Variants in POP5 observed in about 807,000 individuals in gnomAD.
POP5 encodes the protein POP5 ribonuclease P/MRP subunit, also known as ribonuclease P/MRP protein subunit POP5.
Under a neutral mutation model 20.7 loss-of-function variants are expected in POP5, and 18 were observed. The observed-to-expected ratio is 0.87, with a 90% CI of 0.60 to 1.29. The LOEUF (loss-of-function observed/expected upper bound fraction) is 1.29, where lower values mean the gene tolerates loss of function less well. Ranked by LOEUF, POP5 falls within the 50% of genes most tolerant of loss-of-function variation. POP5 has a pLI of 0.00. For missense variants in POP5, 200 were observed against 203.2 expected, an observed-to-expected ratio of 0.98 and a Z score of 0.10; for synonymous variants, 91 against 78.0, an observed-to-expected ratio of 1.17 and a Z score of -0.88.
chr12:120,581,101 C>G lies in POP5; in HGVS notation c.163+14G>C. 1 of 1,607,646 alleles carries G rather than the reference C, an allele frequency of 6.2e-7. No homozygotes were observed. The highest frequency in any genetic ancestry group is 8.5e-7 in the Non-Finnish European group (1 of 1,179,642). ...ATCCTCCCGGGTTCCCCTCTTCCCC[C>G]AGCGCCCTTGCACCCGCGAAGCCGA... is the stretch of plus-strand genomic sequence containing the variant. On this transcript the variant is annotated intron_variant, in intron 2 of 4. Coordinates refer to ENST00000357500, the MANE Select transcript of POP5 (RefSeq NM_015918.4).
Position 120,579,992 on chromosome 12 carries a change from A to T in POP5, c.164-69T>A, listed in dbSNP as rs961955640. ...TGTGGTGGCTCACGCCTGTAATCCC[A>T]GCACTTTGGGAGGCTGAGGCGGGCA... On this transcript the variant is annotated intron_variant, in intron 2 of 4. Coordinates refer to ENST00000357500, the MANE Select transcript of POP5 (RefSeq NM_015918.4). 1.5e-5 allele frequency: 23 copies of T among 1,486,004 alleles called. No homozygotes were observed. In the African/African-American group the frequency reaches 3.2e-4, roughly 21 times the overall value. 92.1% of individuals were successfully genotyped at this position (1,486,004 alleles called of 1,614,324 possible).
chr12:120,579,260 G>T lies in POP5; in HGVS notation c.*58C>A. 4 of 1,465,108 alleles carry T rather than the reference G, an allele frequency of 2.7e-6. No homozygotes were observed. Among genetic ancestry groups the T allele is most frequent in the Non-Finnish European group, 2.9e-6 (3 of 1,045,358 alleles). The allele number at this position is 1,465,108 out of a possible 1,614,324, so 90.8% of individuals were successfully genotyped here. ...ATGCTGTTGCTACCCAGATTGTTCT[G>T]TTCAACAAGTGGGCCTGAAGCCTGA... On this transcript the variant is annotated 3_prime_UTR_variant, in exon 5 of 5. Coordinates refer to ENST00000357500, the MANE Select transcript of POP5 (RefSeq NM_015918.4).
At position 120,579,289 on chromosome 12, in the gene POP5, G is replaced by A. The variant is rs752186063; in HGVS notation, c.*29C>T. 5.0e-6 allele frequency: 8 copies of A among 1,590,252 alleles called. No individual in the cohort carries two copies. Among genetic ancestry groups the A allele is most frequent in the Non-Finnish European group, 6.0e-6 (7 of 1,158,714 alleles). On this transcript the variant is annotated 3_prime_UTR_variant, in exon 5 of 5. Transcript: ENST00000357500. ...AACAAGTGGGCCTGAAGCCTGAGCA[G>A]TGTAGCCAGCTGTGTGGGGAGCAGA...
Position 120,581,398 on chromosome 12 carries a change from C to G in POP5, c.-36G>C. 6.2e-7 allele frequency: 1 copy of G among 1,601,864 alleles called. No homozygotes were observed. On this transcript the variant is annotated 5_prime_UTR_variant, in exon 1 of 5. Coordinates refer to ENST00000357500, the MANE Select transcript of POP5 (RefSeq NM_015918.4). ...GCGCTCTCCGGTCCGGCGTGCAAAC[C>G]GGATGTGAATTCTGTCCGCTGCCAA...
Position 120,578,946 on chromosome 12 carries a change from G to A in POP5, c.*372C>T. The A allele has an allele frequency of 4.0e-6, 1 of 250,054 alleles. No individual in the cohort carries two copies. Among genetic ancestry groups the A allele is most frequent in the Non-Finnish European group, 7.8e-6 (1 of 127,580 alleles). 15.5% of individuals were successfully genotyped at this position (250,054 alleles called of 1,614,324 possible). On this transcript the variant is annotated 3_prime_UTR_variant, in exon 5 of 5. Coordinates refer to ENST00000357500, the MANE Select transcript of POP5 (RefSeq NM_015918.4). ...AAAAAAGTTTAACTAGTACCACATAGGGAGTCAGTCTTCCCACCAAGGCTA... is the reference window on the plus strand; with the variant it reads ...AAAAAAGTTTAACTAGTACCACATAAGGAGTCAGTCTTCCCACCAAGGCTA...
At chr12:120,581,296 G>T in intron 1 of POP5, 39 bp from the exon 2 acceptor site, 1 of 1,614,168 alleles carries the variant, frequency 6.2e-7, no homozygotes, top group South Asian at 1.1e-5. Context: ...TAGCGGGGCC[G>T]CGAGGACCCA....
intron 2 of POP5, 123 bp downstream of exon 2, chr12:120,580,992 A>C: frequency 7.0e-7 from 1 of 1,433,660 alleles, no homozygotes; most frequent in South Asian, 1.4e-5. Context: ...GCTTAAAGAG[A>C]TACCTTACAA....
Position 120,579,141 on chromosome 12 carries a change from C to G in POP5, c.*177G>C, listed in dbSNP as rs371654540. On this transcript the variant is annotated 3_prime_UTR_variant, in exon 5 of 5. Transcript: ENST00000357500. ...ACCTGCAACACTTCACCAGGGAATG[C>G]TAGGTAAAGGCAACTTCAGTTTAAC... 9 of 623,130 alleles carry G rather than the reference C, an allele frequency of 1.4e-5. No homozygotes were observed. In the African/African-American group the frequency reaches 1.7e-4, roughly 11 times the overall value. 38.6% of individuals were successfully genotyped at this position (623,130 alleles called of 1,614,324 possible). A position where few individuals can be genotyped will look rare whatever the true frequency, so the allele number is the denominator to read the frequency against.
At position 120,581,355 on chromosome 12, in the gene POP5, C is replaced by A; in HGVS notation, c.8G>T (p.Arg3Leu). 1 of 1,613,136 alleles carries A rather than the reference C, an allele frequency of 6.2e-7. No individual in the cohort carries two copies. Residue 3 changes from arginine (R) to leucine (L), a missense_variant, in exon 1 of 5, where the codon CGG becomes CTG. Transcript: ENST00000357500. MV[R>L]FKHRYLLCEL... ...AGGGAATGCTTACCTGTGCTTGAAC[C>A]GCACCATGGCTGCCTCCGCGCTCTC...
At chr12:120,580,023 C>G in intron 2 of POP5, 100 bp from the exon 3 acceptor site, 2 of 1,214,818 alleles carry the variant, frequency 1.6e-6, no homozygotes, top group Non-Finnish European at 2.3e-6. Flanking sequence ...GGGCAGATCA[C>G]TTTAAGTCAG....
At chr12:120,579,492 G>A in intron 4 of POP5, 22 bp downstream of exon 4, 1 of 1,607,552 alleles carries the variant, frequency 6.2e-7, no homozygotes, top group Non-Finnish European at 8.5e-7. Context: ...TGCTCAGTGG[G>A]CACTGGGCTA....
chr12:120,579,846 G>T lies in POP5; in HGVS notation c.241C>A (p.Leu81Ile), dbSNP rs1303616193. 14 of 1,606,744 alleles carry T rather than the reference G, an allele frequency of 8.7e-6. No individual in the cohort carries two copies. Among genetic ancestry groups the T allele is most frequent in the Non-Finnish European group, 1.2e-5 (14 of 1,173,372 alleles). The change falls in exon 3 of 5, where the codon CTT becomes ATT. Residue 81 changes from leucine to isoleucine, a missense_variant. Leu to Ile is a conservative substitution (Grantham distance 5). Coordinates refer to ENST00000357500, the MANE Select transcript of POP5 (RefSeq NM_015918.4). ...TTCTCCAAGTATGTGATGAAGGGAA[G>T]AGCTGACCACACAAGCTGATAGAAT... is the stretch of plus-strand genomic sequence containing the variant. Reference protein sequence around the residue: ...KEFYQLVWSALPFITYLENKG... With the variant: ...KEFYQLVWSAIPFITYLENKG...
At position 120,578,853 on chromosome 12, in the gene POP5, A is replaced by G. The variant is rs1856836882; in HGVS notation, c.*465T>C. On this transcript the variant is annotated 3_prime_UTR_variant, in exon 5 of 5. Coordinates refer to ENST00000357500, the MANE Select transcript of POP5 (RefSeq NM_015918.4). The stretch of plus-strand genomic sequence containing the variant: ...AGAATTGCTTGAACCCAGGAGGCGG[A>G]GGTTGCAGTGAGCCGATACTGGGCC... 6.3e-6 allele frequency: 1 copy of G among 158,126 alleles called. No homozygotes were observed. Among genetic ancestry groups the G allele is most frequent in the Non-Finnish European group, 1.4e-5 (1 of 71,578 alleles). 9.8% of individuals were successfully genotyped at this position (158,126 alleles called of 1,614,324 possible). A position where few individuals can be genotyped will look rare whatever the true frequency, so the allele number is the denominator to read the frequency against.
Position 120,581,257 on chromosome 12 carries a change from C to T in POP5, c.21G>A (p.Arg7=), listed in dbSNP as rs375246454. The change falls in exon 2 of 5, where the codon AGG becomes AGA. Residue 7 remains arginine (R), a splice_region_variant and synonymous_variant. Transcript: ENST00000357500. ...CAGACACCAGTTCGCAGAGCAGGTA[C>T]CTGCGGCAGGCGAGAGGAAGGTGGA... MVRFKH[R]YLLCELVSDD... 2.5e-6 allele frequency: 4 copies of T among 1,614,118 alleles called. No individual in the cohort carries two copies. The African/African-American group carries it at 5.3e-5, about 22-fold the overall frequency.
intron 1 of POP5, 23 bp downstream of exon 1, chr12:120,581,320 A>C (rs772120712): frequency 6.2e-6 from 10 of 1,614,070 alleles, no homozygotes; most frequent in Non-Finnish European, 8.5e-6. Context: ...AGGCACTGGG[A>C]GGGTCTGGAA....
rs570555961 is a variant in POP5, at chr12:120,581,097, C to A, written c.163+18G>T. The A allele has an allele frequency of 3.1e-6, 5 of 1,606,314 alleles. No homozygotes were observed. The East Asian group carries it at 8.9e-5, about 29-fold the overall frequency. On this transcript the variant is annotated intron_variant, in intron 2 of 4. Coordinates refer to ENST00000357500, the MANE Select transcript of POP5 (RefSeq NM_015918.4). ...CGCCATCCTCCCGGGTTCCCCTCTT[C>A]CCCCAGCGCCCTTGCACCCGCGAAG...
chr12:120,579,003 C>G lies in POP5; in HGVS notation c.*315G>C. The G allele has an allele frequency of 2.7e-6, 1 of 363,906 alleles. No individual in the cohort carries two copies. The highest frequency in any genetic ancestry group is 2.9e-5 in the South Asian group (1 of 34,000). The allele number at this position is 363,906 out of a possible 1,614,324, so 22.5% of individuals were successfully genotyped here. ...GAGAGAGAACAGAGACTTGGCCAAG[C>G]ATGGACTCCATAAGCCCTTTCTGTA... On this transcript the variant is annotated 3_prime_UTR_variant, in exon 5 of 5. Transcript: ENST00000357500.
At chr12:120,580,978 A>G in intron 2 of POP5, 137 bp downstream of exon 2, 1 of 1,358,676 alleles carries the variant, frequency 7.4e-7, no homozygotes, top group Admixed American at 2.3e-5. Context: ...TTGGGGTCCC[A>G]GGCGCTTAAA....
Position 120,581,347 on chromosome 12 carries a change from G to T in POP5, c.16C>A (p.His6Asn), listed in dbSNP as rs1593132471. The T allele has an allele frequency of 6.2e-7, 1 of 1,613,580 alleles. No homozygotes were observed. The highest frequency in any genetic ancestry group is 8.5e-7 in the Non-Finnish European group (1 of 1,179,824). ...GGTCTGGAAGGGAATGCTTACCTGT[G>T]CTTGAACCGCACCATGGCTGCCTCC... MVRFK[H>N]RYLLCELVSD... is the part of the protein sequence containing the mutation. Residue 6 changes from histidine (H) to asparagine (N), a missense_variant, in exon 1 of 5, where the codon CAC (histidine) becomes AAC (asparagine). Physicochemically the swap from His to Asn is moderately conservative, Grantham distance 68. Transcript: ENST00000357500.
Sources: allele counts gnomAD v4.1 joint callset, GRCh38; gene constraint gnomAD v4.1.1; transcripts MANE v1.5; gene names NCBI Gene and HGNC (gene_info 2026-07-23, HGNC 2026-07-21).